Variants in PRR33 observed in about 807,000 individuals in gnomAD.
PRR33 encodes proline-rich protein 33.
In PRR33, 1 loss-of-function variant was observed where a neutral mutation model predicts 0.5. The observed-to-expected ratio is 2.18, with a 90% CI of 0.77 to 10.34. PRR33 has a LOEUF of 10.34. Among genes scored for constraint, PRR33 ranks in the 30% most tolerant of loss-of-function variants. The pLI is 0.13. For missense variants in PRR33, 552 were observed against 251.8 expected, an observed-to-expected ratio of 2.19 and a Z score of -8.07; for synonymous variants, 226 against 110.0, an observed-to-expected ratio of 2.06 and a Z score of -6.60.
At chr11:1,894,049 A>AT (rs143968200), upstream of PRR33, among the ~76,000 whole-genome samples, 4 of 92,922 alleles carry the variant, frequency 4.3e-5, no homozygotes, top group Non-Finnish European at 5.0e-5. Flanking sequence ...GGATGGCTGG[A>AT]GTGTGGGAGT....
chr11:1,915,397 GTGTC>G, the PRR33 span, among the ~76,000 whole-genome samples: 2 of 150,948 alleles, frequency 1.3e-5, no homozygotes, highest in Admixed American at 6.6e-5. Context: ...CTGTGTGTGT[GTGTC>G]TGTGTGTGTA....
chr11:1,915,859 T>G, the PRR33 span, among the ~76,000 whole-genome samples: 127 of 148,862 alleles, frequency 8.5e-4, no homozygotes, highest in African/African-American at 3.1e-3. Flanking sequence ...GATGGATGGA[T>G]GGATAGACAG....
the PRR33 span, among the ~76,000 whole-genome samples, chr11:1,904,384 C>T: frequency 6.6e-5 from 10 of 151,966 alleles, no homozygotes; most frequent in Middle Eastern, 3.2e-3. Flanking sequence ...AAAAAATTAG[C>T]CAGGCATGGT....
chr11:1,905,644 C>G, the PRR33 span, among the ~76,000 whole-genome samples: 1 of 150,464 alleles, frequency 6.6e-6, no homozygotes, highest in Non-Finnish European at 1.5e-5. Context: ...TCTACCAAAC[C>G]CTGGTAGAAA....
At chr11:1,891,854 C>T (rs1391890915) in exon 1 of PRR33, 1 of 152,542 alleles carries the variant, frequency 6.6e-6, no homozygotes, top group African/African-American at 2.4e-5. Context: ...CCCCCCGGCC[C>T]TGGCTAAGAA....
exon 1 of PRR33, chr11:1,890,353 C>T (rs1267530275): frequency 1.4e-6 from 1 of 716,030 alleles, no homozygotes; most frequent in Non-Finnish European, 2.6e-6. Flanking sequence ...GGGGCTGTGA[C>T]CTCCTGGTCA....
the PRR33 span, among the ~76,000 whole-genome samples, chr11:1,917,659 C>T: frequency 1.6e-4 from 25 of 152,252 alleles, no homozygotes; most frequent in African/African-American, 5.5e-4. Context: ...CCCTCGAGGC[C>T]GCTGGTGCCT....
chr11:1,889,322 G>A (rs962272200), exon 1 of PRR33: 14 of 708,742 alleles, frequency 2.0e-5, no homozygotes, highest in African/African-American at 3.5e-5. Flanking sequence ...GCTCCCCACC[G>A]CTGGGCCCTG....
At chr11:1,899,471 A>G in the PRR33 span, among the ~76,000 whole-genome samples, 1 of 152,220 alleles carries the variant, frequency 6.6e-6, no homozygotes, top group African/African-American at 2.4e-5. Context: ...TGGTGAAAAT[A>G]TACTTAGGCA....
At chr11:1,916,422 C>T in the PRR33 span, among the ~76,000 whole-genome samples, 1 of 152,118 alleles carries the variant, frequency 6.6e-6, no homozygotes, top group East Asian at 1.9e-4. Context: ...GTGACGTGCC[C>T]CCATCCTTTC....
chr11:1,908,276 C>T, the PRR33 span, among the ~76,000 whole-genome samples: 3 of 152,234 alleles, frequency 2.0e-5, no homozygotes, highest in Non-Finnish European at 4.4e-5. Flanking sequence ...TTCTCCTGTA[C>T]GAATTTCAGC....
the PRR33 span, among the ~76,000 whole-genome samples, chr11:1,900,977 CCAGGAATAAGCAAGGA>C: frequency 4.6e-5 from 7 of 152,072 alleles, no homozygotes; most frequent in African/African-American, 1.7e-4. Flanking sequence ...CAGCCTACTC[CCAGGAATAAGCAAGGA>C]CAGGAATAAG....
chr11:1,898,180 GT>G, the PRR33 span, among the ~76,000 whole-genome samples: 1 of 152,016 alleles, frequency 6.6e-6, no homozygotes, highest in Non-Finnish European at 1.5e-5. Flanking sequence ...TTTAAAGACT[GT>G]TGTGTAACCA....
the PRR33 span, among the ~76,000 whole-genome samples, chr11:1,900,304 G>T: frequency 0.013 from 1,938 of 152,162 alleles, 35 homozygotes; most frequent in South Asian, 0.072. Context: ...ATTCAAATTG[G>T]GTATCTAAAC....
the PRR33 span, among the ~76,000 whole-genome samples, chr11:1,898,964 G>A: frequency 6.6e-6 from 1 of 152,168 alleles, no homozygotes; most frequent in Non-Finnish European, 1.5e-5. Flanking sequence ...TCACACCACT[G>A]CATTCCAGCT....
chr11:1,889,931 C>T (rs954111348), exon 1 of PRR33: 15 of 630,902 alleles, frequency 2.4e-5, no homozygotes, highest in Admixed American at 1.9e-4. Context: ...GGGGCTGGGC[C>T]CTGGGGGGAC....
At chr11:1,898,780 C>T in the PRR33 span, among the ~76,000 whole-genome samples, 1 of 152,054 alleles carries the variant, frequency 6.6e-6, no homozygotes, top group Non-Finnish European at 1.5e-5. Context: ...CCGAGGTGGG[C>T]ACTTGAGGTC....
At chr11:1,915,139 CTG>C in the PRR33 span, among the ~76,000 whole-genome samples, 3,499 of 128,472 alleles carry the variant, frequency 0.027, 122 homozygotes, top group African/African-American at 0.09. Context: ...GATGATGTTT[CTG>C]TGTGTGTGTG....
exon 1 of PRR33, chr11:1,891,876 T>A (rs1329391602): frequency 1.3e-5 from 2 of 151,950 alleles, no homozygotes; most frequent in East Asian, 3.8e-4. Flanking sequence ...TTGCTTCCTG[T>A]TGCCAGCATG....
Sources: allele counts gnomAD v4.1 joint callset (sites outside exome capture counted in the v4.1 genomes callset), GRCh38; gene constraint gnomAD v4.1.1; transcripts MANE v1.5; gene names NCBI Gene and HGNC (gene_info 2026-07-23, HGNC 2026-07-21).